DLEU7: variants seen among roughly 807,000 people sequenced by gnomAD.
DLEU7 encodes the protein leukemia-associated protein 7.
In DLEU7, 17 loss-of-function variants were observed where a neutral mutation model predicts 16.0. The observed-to-expected ratio is 1.06, with a 90% CI of 0.73 to 1.59. The LOEUF is 1.59. DLEU7 is among the 40% of genes most tolerant of loss of function. The pLI, the probability that DLEU7 is intolerant of heterozygous loss-of-function variation, is 0.00. For synonymous variants in DLEU7, 113 were observed against 139.8 expected, an observed-to-expected ratio of 0.81 and a Z score of 1.35; for missense variants, 308 against 314.9, an observed-to-expected ratio of 0.98 and a Z score of 0.17.
chr13:50,830,548 TTCATGCAAAGCTCATTCTG>T, intron 1 of DLEU7, among the ~76,000 whole-genome samples: 1 of 152,076 alleles, frequency 6.6e-6, no homozygotes, highest in Non-Finnish European at 1.5e-5. Context: ...CAGCACAGGG[TTCATGCAAAGCTCATTCTG>T]TCATGTGACT....
intron 1 of DLEU7, among the ~76,000 whole-genome samples, chr13:50,791,696 T>C (rs1875963770): frequency 6.6e-6 from 1 of 151,982 alleles, no homozygotes; most frequent in African/African-American, 2.4e-5. Context: ...AAATTATGAA[T>C]ACAAATTGGC....
At chr13:50,824,184 T>G (rs1877010199) in intron 1 of DLEU7, among the ~76,000 whole-genome samples, 1 of 152,066 alleles carries the variant, frequency 6.6e-6, no homozygotes, top group African/African-American at 2.4e-5. Context: ...TCTCAAGAAA[T>G]CCCCAAATGC....
At chr13:50,769,055 A>T (rs1048843599) in intron 1 of DLEU7, among the ~76,000 whole-genome samples, 1 of 152,060 alleles carries the variant, frequency 6.6e-6, no homozygotes, top group Non-Finnish European at 1.5e-5. Flanking sequence ...GCATTTTTTC[A>T]TGTGTTTTTT....
chr13:50,807,260 C>G lies in DLEU7; in HGVS notation c.459+35928G>C, dbSNP rs552639350. On this transcript the variant is annotated intron_variant, in intron 1 of 1. Coordinates refer to the DLEU7 transcript ENST00000400393. ...TCAGAGATATAAAATGATACTATAC[C>G]GGCTTCCTTAAGAAGCTTTCTATTA... Among the ~76,000 whole-genome samples the G allele has an allele frequency of 6.4e-4, 97 of 151,888 alleles. 1 individual carries two copies. The highest frequency in any genetic ancestry group is 6.0e-3 in the South Asian group (29 of 4,804).
intron 1 of DLEU7, among the ~76,000 whole-genome samples, chr13:50,773,087 T>C (rs936475233): frequency 2.0e-5 from 3 of 152,210 alleles, no homozygotes; most frequent in Non-Finnish European, 4.4e-5. Flanking sequence ...ATGCGTCACG[T>C]AGTTCTCGTG....
chr13:50,735,701 T>C (rs1389393388), intron 1 of DLEU7, among the ~76,000 whole-genome samples: 1 of 152,086 alleles, frequency 6.6e-6, no homozygotes, highest in Non-Finnish European at 1.5e-5. Context: ...GCAAAGGACA[T>C]GAACAAACAC....
intron 1 of DLEU7, among the ~76,000 whole-genome samples, chr13:50,798,956 C>A (rs999134245): frequency 1.3e-5 from 2 of 152,202 alleles, no homozygotes; most frequent in Non-Finnish European, 2.9e-5. Context: ...CTCCAACTCT[C>A]CTCTTTCACC....
intron 1 of DLEU7, among the ~76,000 whole-genome samples, chr13:50,759,874 C>T (rs949569262): frequency 6.6e-6 from 1 of 152,188 alleles, no homozygotes; most frequent in Non-Finnish European, 1.5e-5. Context: ...TCCTGGAGCC[C>T]AGTCCTGCAA....
intron 1 of DLEU7, among the ~76,000 whole-genome samples, chr13:50,767,471 A>AAAAAAAAAAC (rs1229309563): frequency 2.0e-5 from 3 of 151,492 alleles, no homozygotes; most frequent in Admixed American, 6.6e-5. Context: ...AAAAAAAAAA[A>AAAAAAAAAAC]AAAAAAACTC....
chr13:50,744,355 C>T (rs7984960), intron 1 of DLEU7, among the ~76,000 whole-genome samples: 12,719 of 152,182 alleles, frequency 0.084, 1,746 homozygotes, highest in African/African-American at 0.28. Flanking sequence ...TTTGTCTTTT[C>T]GGTTCTCTAG....
At chr13:50,822,619 A>C (rs373951004), downstream of DLEU7, 53 of 983,782 alleles carry the variant, frequency 5.4e-5, 2 homozygotes, top group East Asian at 9.1e-4. Context: ...AAACAGTAAA[A>C]GCTAGACTTT....
At chr13:50,810,515 A>G (rs1334796526) in intron 1 of DLEU7, among the ~76,000 whole-genome samples, 3 of 152,206 alleles carry the variant, frequency 2.0e-5, no homozygotes, top group African/African-American at 7.2e-5. Context: ...AAAATAAAGG[A>G]TAAAGCCCAA....
chr13:50,713,669 A>T (rs746361726), intron 1 of DLEU7, among the ~76,000 whole-genome samples: 1 of 152,212 alleles, frequency 6.6e-6, no homozygotes, highest in Non-Finnish European at 1.5e-5. Context: ...CAGCAACAGC[A>T]TCATGGACGT....
At chr13:50,712,485 C>G (rs1314614740) in exon 2 of DLEU7, 1 of 152,592 alleles carries the variant, frequency 6.6e-6, no homozygotes, top group African/African-American at 2.4e-5. Context: ...GTTGAAAAAT[C>G]CTTTTGCATC....
At chr13:50,787,706 C>T (rs1875826238) in intron 1 of DLEU7, among the ~76,000 whole-genome samples, 1 of 151,960 alleles carries the variant, frequency 6.6e-6, no homozygotes, top group Non-Finnish European at 1.5e-5. Context: ...TGTCATTCCC[C>T]TGCCCTCCCC....
chr13:50,794,475 T>C (rs1438081833), intron 1 of DLEU7, among the ~76,000 whole-genome samples: 1 of 152,146 alleles, frequency 6.6e-6, no homozygotes, highest in Non-Finnish European at 1.5e-5. Context: ...AAATTGGACA[T>C]AAAATTCAGG....
At chr13:50,754,368 A>G (rs1277460824) in intron 1 of DLEU7, among the ~76,000 whole-genome samples, 1 of 152,054 alleles carries the variant, frequency 6.6e-6, no homozygotes, top group Non-Finnish European at 1.5e-5. Flanking sequence ...TTAGATGCAT[A>G]TATGTTTAGG....
rs193247049 is a variant in DLEU7 at position 50,791,473 on chromosome 13, T to G, written c.459+51715A>C. On this transcript the variant is annotated intron_variant, in intron 1 of 1. Transcript: ENST00000400393. Reference sequence around the variant, plus strand: ...GGGGAGCAGTCGGAACAGGGTAGACTGGACACATGTGTATGTGTTGGTGAC... The same window carrying G: ...GGGGAGCAGTCGGAACAGGGTAGACGGGACACATGTGTATGTGTTGGTGAC... Among the ~76,000 whole-genome samples the G allele has an allele frequency of 3.9e-3, 597 of 152,240 alleles. 2 individuals are homozygous for G. Among genetic ancestry groups the G allele is most frequent in the Non-Finnish European group, 4.9e-3 (333 of 68,008 alleles).
chr13:50,823,658 C>G lies in DLEU7; in HGVS notation c.460-138G>C, dbSNP rs1462851346. ...TTTTTTTTTCTTGGAAAACTACACC[C>G]CATTCTTAGCCTATGCAGTTGGACC... On this transcript the variant is annotated intron_variant, in intron 1 of 1. Transcript: ENST00000504404. The G allele has an allele frequency of 1.1e-5, 11 of 1,013,952 alleles. No homozygotes were observed. The East Asian group carries it at 2.6e-4, about 24-fold the overall frequency. The allele number at this position is 1,013,952 out of a possible 1,614,324, so 62.8% of individuals were successfully genotyped here.
Sources: gnomAD v4.1 joint callset for allele counts (sites outside exome capture counted in the v4.1 genomes callset) on GRCh38, gnomAD v4.1.1 for gene constraint, MANE v1.5 for transcripts, NCBI Gene and HGNC (gene_info 2026-07-23, HGNC 2026-07-21) for gene names.